Variants in DCP2 observed in about 807,000 individuals in gnomAD.
DCP2 encodes the protein m7GpppN-mRNA hydrolase.
DCP2 carries 30 observed loss-of-function variants against 56.1 expected under a neutral mutation model. The ratio of observed to expected loss-of-function variants is 0.53; its 90% confidence interval spans 0.40 to 0.73. The LOEUF (loss-of-function observed/expected upper bound fraction) is 0.73, where lower values mean the gene tolerates loss of function less well. DCP2 is among the 30% of genes least tolerant of loss of function. The pLI, the probability that DCP2 is intolerant of heterozygous loss-of-function variation, is 0.00. For missense variants in DCP2, 533 were observed against 502.7 expected, an observed-to-expected ratio of 1.06 and a Z score of -0.58; for synonymous variants, 197 against 163.3, an observed-to-expected ratio of 1.21 and a Z score of -1.57.
At chr5:112,978,741 A>G (rs1747851218) in intron 1 of DCP2, among the ~76,000 whole-genome samples, 1 of 151,362 alleles carries the variant, frequency 6.6e-6, no homozygotes, top group African/African-American at 2.4e-5. Context: ...GTTAATGACT[A>G]GACGCACATC....
intron 8 of DCP2, among the ~76,000 whole-genome samples, chr5:113,005,469 T>C (rs1168532794): frequency 1.3e-5 from 2 of 152,112 alleles, no homozygotes; most frequent in Non-Finnish European, 2.9e-5. Flanking sequence ...TCTTACCCAT[T>C]AGGATGGCTA....
intron 1 of DCP2, among the ~76,000 whole-genome samples, chr5:112,979,961 C>G (rs1048556169): frequency 2.0e-5 from 3 of 152,076 alleles, no homozygotes; most frequent in Admixed American, 2.0e-4. Flanking sequence ...AAACTGATAA[C>G]ACTGGTTACT....
intron 2 of DCP2, among the ~76,000 whole-genome samples, chr5:112,990,824 T>C (rs1434340765): frequency 6.6e-6 from 1 of 152,188 alleles, no homozygotes; most frequent in Non-Finnish European, 1.5e-5. Flanking sequence ...TGAAACAAAT[T>C]TTAAATTACA....
chr5:113,006,076 A>G (rs947216685), intron 8 of DCP2, among the ~76,000 whole-genome samples: 1 of 147,466 alleles, frequency 6.8e-6, no homozygotes, highest in African/African-American at 2.6e-5. Context: ...TGGTGGCGCC[A>G]TTGCACTCCA....
chr5:112,977,881 CTT>C (rs1747793252), intron 1 of DCP2, among the ~76,000 whole-genome samples: 1 of 151,854 alleles, frequency 6.6e-6, no homozygotes, highest in African/African-American at 2.4e-5. Flanking sequence ...AAAAGGCAGG[CTT>C]TTAGTAGTTG....
intron 1 of DCP2, among the ~76,000 whole-genome samples, chr5:112,982,172 T>G (rs1240191998): frequency 1.4e-5 from 2 of 140,140 alleles, no homozygotes; most frequent in Non-Finnish European, 3.0e-5. Context: ...GATTCTGTTG[T>G]ACATGTACTC....
chr5:112,978,682 A>AT (rs1747845706), intron 1 of DCP2, among the ~76,000 whole-genome samples: 2 of 137,614 alleles, frequency 1.5e-5, no homozygotes, highest in African/African-American at 5.1e-5. Flanking sequence ...CTTGTCCCAA[A>AT]TAAAAAAAAA....
At position 113,017,940 on chromosome 5, in the gene DCP2, T is replaced by C. The variant is rs905286952; in HGVS notation, c.*4456T>C. 6.6e-6 allele frequency: 1 copy of C among 152,176 alleles called. No homozygotes were observed. Among genetic ancestry groups the C allele is most frequent in the African/African-American group, 2.4e-5 (1 of 41,440 alleles). The allele number at this position is 152,176 out of a possible 1,614,324, so 9.4% of individuals were successfully genotyped here. ...GCCAAGCAATCCAGTGAATCTAAAG[T>C]AATTTTTCTCACTTTAAAGACCAGT... On this transcript the variant is annotated 3_prime_UTR_variant, in exon 11 of 11. Transcript: ENST00000389063.
In DCP2 at chr5:113,014,163, A is replaced by C. The variant is rs1310529935; in HGVS notation, c.*679A>C. 6.6e-6 allele frequency: 1 copy of C among 152,360 alleles called. No individual in the cohort carries two copies. The highest frequency in any genetic ancestry group is 1.9e-4 in the East Asian group (1 of 5,208). 9.4% of individuals were successfully genotyped at this position (152,360 alleles called of 1,614,324 possible). A position where few individuals can be genotyped will look rare whatever the true frequency, so the allele number is the denominator to read the frequency against. ...TGCTGTGATTTTGAGCTGTGGTTAC[A>C]TGCAGTCAGTAAACCTGTGAGACTG... On this transcript the variant is annotated 3_prime_UTR_variant, in exon 11 of 11. Transcript: ENST00000389063.
At position 113,001,467 on chromosome 5, in the gene DCP2, C is replaced by G. The variant is rs1193298290; in HGVS notation, c.696C>G (p.Ile232Met). ...AATTTTTTATGGCCATTCCCTTTAT[C>G]AGGTGTGTTCATATTTCTTGAAATG... The part of the protein sequence containing the change: ...PNKFFMAIPF[I>M]RPLRDWLSRR... The change falls in exon 6 of 11, where the codon ATC (isoleucine) becomes ATG (methionine). Residue 232 changes from isoleucine to methionine, a missense_variant and splice_region_variant. By Grantham distance (10) the Ile-to-Met change is conservative (BLOSUM62 1). Coordinates refer to ENST00000389063, the MANE Select transcript of DCP2 (RefSeq NM_152624.6). 1.2e-6 allele frequency: 2 copies of G among 1,611,792 alleles called. No individual in the cohort carries two copies. Among genetic ancestry groups the G allele is most frequent in the Admixed American group, 1.7e-5 (1 of 59,902 alleles).
intron 2 of DCP2, among the ~76,000 whole-genome samples, chr5:112,987,223 C>A (rs545327008): frequency 4.7e-4 from 71 of 152,104 alleles, no homozygotes; most frequent in Non-Finnish European, 8.5e-4. Flanking sequence ...TTAGGGAAAG[C>A]TATATTTTTG....
At chr5:113,004,254 C>G (rs554421929) in intron 8 of DCP2, among the ~76,000 whole-genome samples, 177 bp downstream of exon 8, 1 of 152,108 alleles carries the variant, frequency 6.6e-6, no homozygotes, top group Non-Finnish European at 1.5e-5. Flanking sequence ...GTTTACAGTT[C>G]CGGTGTAAAT....
intron 1 of DCP2, 72 bp from the exon 2 acceptor site, chr5:112,985,763 G>A: frequency 1.3e-6 from 2 of 1,538,620 alleles, no homozygotes; most frequent in East Asian, 2.3e-5. Flanking sequence ...CAGGTATGAA[G>A]CACTTAAATA....
intron 2 of DCP2, among the ~76,000 whole-genome samples, chr5:112,988,737 T>C (rs2150173459): frequency 6.6e-6 from 1 of 152,288 alleles, no homozygotes; most frequent in Middle Eastern, 3.4e-3. Context: ...GCCTTGGTGA[T>C]AGGTTCTCTG....
chr5:112,993,856 C>G (rs1748713378), intron 4 of DCP2, among the ~76,000 whole-genome samples: 1 of 151,894 alleles, frequency 6.6e-6, no homozygotes, highest in Non-Finnish European at 1.5e-5. Flanking sequence ...GTATGTGTAT[C>G]TATGTGTGTG....
At position 113,013,883 on chromosome 5, in the gene DCP2, A is replaced by C. The variant is rs1162562338; in HGVS notation, c.*399A>C. 1 of 156,372 alleles carries C rather than the reference A, an allele frequency of 6.4e-6. No individual in the cohort carries two copies. The highest frequency in any genetic ancestry group is 2.4e-5 in the African/African-American group (1 of 41,574). 9.7% of individuals were successfully genotyped at this position (156,372 alleles called of 1,614,324 possible). On this transcript the variant is annotated 3_prime_UTR_variant, in exon 11 of 11. Transcript: ENST00000389063. ...ATATTGGAGTTTTTCAAAGAAACTT[A>C]AAGTAATGCCCAATTATTAAATGAA...
chr5:112,986,126 A>T, intron 2 of DCP2, 140 bp downstream of exon 2: 1 of 718,736 alleles, frequency 1.4e-6, no homozygotes, highest in African/African-American at 1.8e-5. Flanking sequence ...AAACATAAAT[A>T]GTAGACACAA....
chr5:113,014,823 ACTT>A lies in DCP2; in HGVS notation c.*1342_*1344del, dbSNP rs1749816797. 6.6e-6 allele frequency: 1 copy of A among 152,608 alleles called. No homozygotes were observed. The highest frequency in any genetic ancestry group is 6.6e-5 in the Admixed American group (1 of 15,266). The allele number at this position is 152,608 out of a possible 1,614,324, so 9.5% of individuals were successfully genotyped here. On this transcript the variant is annotated 3_prime_UTR_variant, in exon 11 of 11. Transcript: ENST00000389063. ...TTTTTTACAGTGGTATCCACAAAATACTTCTCTGCTTATAAATGTTATTGTAGA... is the reference window on the plus strand; with the variant it reads ...TTTTTTACAGTGGTATCCACAAAATACTCTGCTTATAAATGTTATTGTAGA...
At chr5:113,003,869 T>G (rs1749294560) in intron 7 of DCP2, 73 bp from the exon 8 acceptor site, 1 of 1,505,082 alleles carries the variant, frequency 6.6e-7, no homozygotes, top group South Asian at 1.2e-5. Flanking sequence ...GTCTATAAAT[T>G]TAACTATTAA....
Sources: allele counts gnomAD v4.1 joint callset (sites outside exome capture counted in the v4.1 genomes callset), GRCh38; gene constraint gnomAD v4.1.1; transcripts MANE v1.5; gene names NCBI Gene and HGNC (gene_info 2026-07-23, HGNC 2026-07-21).